Variants in CCDC175 observed in about 807,000 individuals in gnomAD.
CCDC175 encodes coiled-coil domain-containing protein 175.
CCDC175 carries 100 observed loss-of-function variants against 114.6 expected under a neutral mutation model. The ratio of observed to expected loss-of-function variants is 0.87; its 90% confidence interval spans 0.74 to 1.03. The LOEUF is 1.03. Ranked by LOEUF, CCDC175 falls within the 50% of genes least tolerant of loss-of-function variation. The probability of loss-of-function intolerance (pLI) is 0.00; values close to 1 mark genes in which losing one functional copy is unlikely to be tolerated. For synonymous variants in CCDC175, 306 were observed against 308.7 expected (o/e 0.99, Z 0.09); for missense variants, 880 against 917.8 (o/e 0.96, Z 0.53).
At chr14:59,541,590 C>T (rs1292001763) in intron 10 of CCDC175, among the ~76,000 whole-genome samples, 1 of 152,178 alleles carries the variant, frequency 6.6e-6, no homozygotes, top group East Asian at 1.9e-4. Flanking sequence ...TATGGACTCT[C>T]AATTTCCTAC....
intron 16 of CCDC175, among the ~76,000 whole-genome samples, chr14:59,524,919 A>T (rs1462672984): frequency 6.6e-6 from 1 of 152,206 alleles, no homozygotes. Context: ...ATAAGGCTGA[A>T]CCTCACAAAC....
At chr14:59,518,452 AATGAAC>A (rs1893233380) in intron 17 of CCDC175, among the ~76,000 whole-genome samples, 1 of 152,198 alleles carries the variant, frequency 6.6e-6, no homozygotes, top group Non-Finnish European at 1.5e-5. Context: ...CAGAATCTAC[AATGAAC>A]TCAGACAAAT....
intron 17 of CCDC175, among the ~76,000 whole-genome samples, chr14:59,518,503 C>A (rs529351328): frequency 6.6e-6 from 1 of 152,086 alleles, no homozygotes; most frequent in Admixed American, 6.6e-5. Context: ...AACAAGTGGG[C>A]GAAGGATATG....
At chr14:59,527,841 A>C (rs1421966718) in intron 14 of CCDC175, among the ~76,000 whole-genome samples, 1 of 152,060 alleles carries the variant, frequency 6.6e-6, no homozygotes, top group African/African-American at 2.4e-5. Flanking sequence ...GCCTTCTGGA[A>C]TCTTTTCTTT....
In CCDC175 at chr14:59,563,819, T is replaced by C; in HGVS notation, c.761A>G (p.Glu254Gly). Residue 254 changes from glutamate to glycine, a missense_variant, in exon 6 of 20, where the codon GAG (glutamate) becomes GGG (glycine). Coordinates refer to ENST00000537690, the MANE Select transcript of CCDC175 (RefSeq NM_001164399.2). ...FENTREVKRM[E>G]TYQKKKELDK... ...CAATTCTTTCTTCTTTTGATAAGTC[T>C]CCATTCTCTTTACTTCACGGGTATT... The C allele has an allele frequency of 6.9e-7, 1 of 1,441,366 alleles. No homozygotes were observed. Among genetic ancestry groups the C allele is most frequent in the Non-Finnish European group, 9.1e-7 (1 of 1,099,020 alleles). 89.3% of individuals were successfully genotyped at this position (1,441,366 alleles called of 1,614,324 possible). A position where few individuals can be genotyped will look rare whatever the true frequency, so the allele number is the denominator to read the frequency against.
At chr14:59,562,089 A>C (rs1216702826) in intron 6 of CCDC175, among the ~76,000 whole-genome samples, 1 of 152,236 alleles carries the variant, frequency 6.6e-6, no homozygotes, top group East Asian at 1.9e-4. Context: ...TTCCAGAGCT[A>C]ACTGGAATCG....
intron 17 of CCDC175, among the ~76,000 whole-genome samples, chr14:59,513,059 A>G (rs1892843472): frequency 6.6e-6 from 1 of 152,240 alleles, no homozygotes; most frequent in African/African-American, 2.4e-5. Context: ...AAAAGTTGCT[A>G]GGGTAATACA....
rs1038996867 is a variant in CCDC175 at position 59,505,157 on chromosome 14, C to T, written c.*82G>A. On this transcript the variant is annotated 3_prime_UTR_variant, in exon 20 of 20. Coordinates refer to ENST00000537690, the MANE Select transcript of CCDC175 (RefSeq NM_001164399.2). ...TTTAAATGTTTAAGACTTCTATTAA[C>T]AGCTGCAAAATATGAAAGTAAGTGC... 6 of 609,712 alleles carry T rather than the reference C, an allele frequency of 9.8e-6. No homozygotes were observed. The Admixed American group carries it at 1.7e-4, about 17-fold the overall frequency. 37.8% of individuals were successfully genotyped at this position (609,712 alleles called of 1,614,324 possible).
At chr14:59,540,640 CAAAT>C (rs1356320724) in intron 11 of CCDC175, 31 bp downstream of exon 11, 18 of 1,454,970 alleles carry the variant, frequency 1.2e-5, no homozygotes, top group Middle Eastern at 2.0e-4. Flanking sequence ...ACACAAAACA[CAAAT>C]AAACTTTTTT....
chr14:59,552,159 C>T (rs1157307011), intron 7 of CCDC175, among the ~76,000 whole-genome samples: 2 of 152,258 alleles, frequency 1.3e-5, no homozygotes, highest in Non-Finnish European at 2.9e-5. Flanking sequence ...TGAGAACAGA[C>T]AGACTGCCTC....
intron 18 of CCDC175, among the ~76,000 whole-genome samples, 200 bp downstream of exon 18, chr14:59,511,560 A>AAAAAAAAAAAAAAAAAG (rs1892749207): frequency 6.6e-6 from 1 of 151,176 alleles, no homozygotes; most frequent in Non-Finnish European, 1.5e-5. Flanking sequence ...AAAAAAAAAA[A>AAAAAAAAAAAAAAAAAG]AAAAAAAGAC....
chr14:59,510,432 A>G (rs963147947), intron 19 of CCDC175: 3 of 467,936 alleles, frequency 6.4e-6, no homozygotes, highest in African/African-American at 5.8e-5. Flanking sequence ...AGATTTAGTT[A>G]TCTAGAAAAT....
Position 59,561,193 on chromosome 14 carries a change from T to C in CCDC175, c.879A>G (p.Leu293=), listed in dbSNP as rs1458133473. The C allele has an allele frequency of 1.1e-5, 17 of 1,535,192 alleles. No individual in the cohort carries two copies. Among genetic ancestry groups the C allele is most frequent in the East Asian group, 4.9e-5 (2 of 40,828 alleles). The change falls in exon 7 of 20, where the codon CTA becomes CTG. Residue 293 remains leucine (L), a synonymous_variant. Coordinates refer to ENST00000537690, the MANE Select transcript of CCDC175 (RefSeq NM_001164399.2). Reference sequence around the variant, plus strand: ...GTTCCCAATACCTTATTGATTCGTGTAGTCGTGCTATCTCTAAATTGTGAT... The same window carrying C: ...GTTCCCAATACCTTATTGATTCGTGCAGTCGTGCTATCTCTAAATTGTGAT... ...LSDHNLEIAR[L]HESIRYWEQE... is the part of the protein sequence containing the mutation.
chr14:59,571,074 A>G (rs908588349), intron 3 of CCDC175, among the ~76,000 whole-genome samples: 10 of 151,674 alleles, frequency 6.6e-5, no homozygotes, highest in African/African-American at 2.4e-4. Context: ...ATTCCTGGAG[A>G]AGAACTCAGC....
At chr14:59,552,191 C>T (rs1279904012) in intron 7 of CCDC175, among the ~76,000 whole-genome samples, 1 of 152,212 alleles carries the variant, frequency 6.6e-6, no homozygotes, top group Non-Finnish European at 1.5e-5. Flanking sequence ...CCCTGACCCC[C>T]GAGTAGCCTA....
At chr14:59,515,241 G>C (rs1200305577) in intron 17 of CCDC175, among the ~76,000 whole-genome samples, 1 of 152,178 alleles carries the variant, frequency 6.6e-6, no homozygotes, top group Non-Finnish European at 1.5e-5. Flanking sequence ...ATTGAGGCTA[G>C]GAAGAAACTG....
chr14:59,566,986 C>T (rs140947901), intron 4 of CCDC175, among the ~76,000 whole-genome samples: 3 of 152,306 alleles, frequency 2.0e-5, no homozygotes, highest in African/African-American at 7.2e-5. Flanking sequence ...CCACCGCACT[C>T]CTCCCAGATC....
At chr14:59,562,252 A>G (rs145808399) in intron 6 of CCDC175, among the ~76,000 whole-genome samples, 13 of 152,290 alleles carry the variant, frequency 8.5e-5, no homozygotes, top group African/African-American at 3.1e-4. Flanking sequence ...TAAGGGTCAC[A>G]TGCTATTATT....
chr14:59,570,245 C>T (rs537514348), intron 3 of CCDC175, among the ~76,000 whole-genome samples: 3 of 152,200 alleles, frequency 2.0e-5, no homozygotes, highest in Non-Finnish European at 2.9e-5. Flanking sequence ...GGAGAAGTTG[C>T]ACACACTGCA....
Sources: gnomAD v4.1 joint callset for allele counts (sites outside exome capture counted in the v4.1 genomes callset) on GRCh38, gnomAD v4.1.1 for gene constraint, MANE v1.5 for transcripts, NCBI Gene and HGNC (gene_info 2026-07-23, HGNC 2026-07-21) for gene names.